PCDH11X: variants seen among roughly 807,000 people sequenced by gnomAD.
The protein encoded by PCDH11X is protocadherin-11 X-linked.
In PCDH11X, 18 loss-of-function variants were observed where a neutral mutation model predicts 53.3. The ratio of observed to expected loss-of-function variants is 0.34; its 90% CI spans 0.23 to 0.50. The LOEUF is 0.50. Among genes scored for constraint, PCDH11X ranks in the 20% least tolerant of loss-of-function variants. PCDH11X has a pLI of 0.98. For synonymous variants in PCDH11X, 279 were observed against 393.3 expected (o/e 0.71, Z 3.44); for missense variants, 570 against 1,032.4 (o/e 0.55, Z 6.14).
chrX:92,221,856 G>A (rs1280982694), intron 7 of PCDH11X, among the ~76,000 whole-genome samples: 1 of 108,395 alleles, frequency 9.2e-6, no homozygotes, highest in Non-Finnish European at 1.9e-5. Context: ...TTTTTTTTGA[G>A]ACAGGGTTTT....
intron 1 of PCDH11X, among the ~76,000 whole-genome samples, chrX:91,796,022 T>C (rs1197913396): frequency 8.9e-6 from 1 of 112,101 alleles, no homozygotes; most frequent in Non-Finnish European, 1.9e-5. Flanking sequence ...ATTAATGGAA[T>C]GGAGTTGTAA....
At chrX:92,166,624 G>A in intron 6 of PCDH11X, among the ~76,000 whole-genome samples, 1 of 110,799 alleles carries the variant, frequency 9.0e-6, no homozygotes, top group East Asian at 2.9e-4. Context: ...TGGGCCAGAT[G>A]TGATGGCTCA....
chrX:92,275,623 G>T, intron 8 of PCDH11X, among the ~76,000 whole-genome samples: 1 of 111,952 alleles, frequency 8.9e-6, no homozygotes, highest in South Asian at 3.7e-4. Context: ...TTGGCACCAT[G>T]GGGTGGATAG....
Position 92,321,202 on chromosome X carries a change from T to G in PCDH11X, c.3144+58059T>G, listed in dbSNP as rs748181268. On this transcript the variant is annotated intron_variant, in intron 8 of 10. Coordinates refer to ENST00000682573, the MANE Select transcript of PCDH11X (RefSeq NM_032968.5). Reference sequence around the variant, plus strand: ...ACTGTAAGTTTTTTTTTGTTTTTTTTTTTTTTTTGAGATGGAGTCTCGCTC... The same window carrying G: ...ACTGTAAGTTTTTTTTTGTTTTTTTGTTTTTTTTGAGATGGAGTCTCGCTC... Among the ~76,000 whole-genome samples, 26 of 99,901 alleles carry G rather than the reference T, an allele frequency of 2.6e-4. 1 individual carries two copies. In the East Asian group the frequency reaches 8.3e-3, roughly 32 times the overall value. 86.8% of individuals were successfully genotyped at this position (99,901 alleles called of 115,157 possible). A position where few individuals can be genotyped will look rare whatever the true frequency, so the allele number is the denominator to read the frequency against.
chrX:92,150,930 T>C (rs1292373275), intron 6 of PCDH11X, among the ~76,000 whole-genome samples: 2 of 110,919 alleles, frequency 1.8e-5, no homozygotes, highest in Admixed American at 9.7e-5. Flanking sequence ...GGTTCCCCTG[T>C]GATGTTTCAT....
chrX:92,271,419 G>A (rs2067955134), intron 8 of PCDH11X, among the ~76,000 whole-genome samples: 1 of 111,762 alleles, frequency 8.9e-6, no homozygotes, highest in Non-Finnish European at 1.9e-5. Flanking sequence ...GGGACGAAGG[G>A]GTTTAGTGAA....
At chrX:92,258,516 C>T (rs973391995) in intron 7 of PCDH11X, among the ~76,000 whole-genome samples, 10 of 109,786 alleles carry the variant, frequency 9.1e-5, no homozygotes, top group Admixed American at 3.9e-4. Flanking sequence ...TACAGGCGCC[C>T]GCCACCATGC....
chrX:92,124,560 A>G (rs966193022), intron 6 of PCDH11X, among the ~76,000 whole-genome samples: 1 of 107,405 alleles, frequency 9.3e-6, no homozygotes, highest in Admixed American at 1.0e-4. Context: ...AAAAAAAAAA[A>G]TAGGCCTAGT....
At chrX:92,559,836 A>T (rs1158203395) in intron 10 of PCDH11X, among the ~76,000 whole-genome samples, 2 of 110,626 alleles carry the variant, frequency 1.8e-5, no homozygotes, top group African/African-American at 6.6e-5. Context: ...CACAAACCGA[A>T]TTGCTCGGGG....
At chrX:92,185,924 T>C (rs1338332050) in intron 6 of PCDH11X, among the ~76,000 whole-genome samples, 1 of 111,413 alleles carries the variant, frequency 9.0e-6, no homozygotes, top group African/African-American at 3.3e-5. Flanking sequence ...TGTAAATTAG[T>C]TCAGCCATTA....
intron 7 of PCDH11X, among the ~76,000 whole-genome samples, chrX:92,246,263 C>T (rs1187433923): frequency 8.9e-6 from 1 of 111,756 alleles, no homozygotes; most frequent in Non-Finnish European, 1.9e-5. Context: ...TGGACATGAA[C>T]TCCCAGTAGT....
chrX:92,323,881 A>T (rs930915535), intron 8 of PCDH11X, among the ~76,000 whole-genome samples: 7 of 110,643 alleles, frequency 6.3e-5, no homozygotes, highest in Admixed American at 4.9e-4. Context: ...CACAGTTTCA[A>T]TTTTTTTTCC....
chrX:91,930,357 G>A (rs2147837120), intron 6 of PCDH11X, among the ~76,000 whole-genome samples: 1 of 106,644 alleles, frequency 9.4e-6, no homozygotes, highest in South Asian at 4.1e-4. Flanking sequence ...AAGAATAAAA[G>A]AAAAGGAAAT....
intron 7 of PCDH11X, among the ~76,000 whole-genome samples, chrX:92,254,548 C>T (rs1199974738): frequency 1.8e-5 from 2 of 109,125 alleles, no homozygotes; most frequent in Non-Finnish European, 3.8e-5. Context: ...ATGGTCTTTA[C>T]ATTTTGGCAT....
chrX:92,256,440 T>C (rs779330450), intron 7 of PCDH11X, among the ~76,000 whole-genome samples: 9 of 111,875 alleles, frequency 8.0e-5, no homozygotes, highest in African/African-American at 2.6e-4. Context: ...ACCGGAGCTG[T>C]TCCTATTCGG....
intron 7 of PCDH11X, among the ~76,000 whole-genome samples, chrX:92,258,947 T>G (rs2067657669): frequency 9.0e-6 from 1 of 111,138 alleles, no homozygotes; most frequent in African/African-American, 3.3e-5. Flanking sequence ...CACAGATCAT[T>G]AGAGCACAGG....
chrX:92,106,162 G>A (rs941506645), intron 6 of PCDH11X, among the ~76,000 whole-genome samples: 6 of 108,620 alleles, frequency 5.5e-5, no homozygotes, highest in African/African-American at 1.0e-4. Flanking sequence ...TCAGATTAAC[G>A]TTAGAATCAA....
At chrX:92,053,542 A>G (rs2021071) in intron 6 of PCDH11X, among the ~76,000 whole-genome samples, 35,396 of 103,046 alleles carry the variant, frequency 0.34, 7,514 homozygotes, top group East Asian at 0.83. Context: ...AGGAAAATAA[A>G]GAGCAGCGGA....
In PCDH11X at chrX:92,210,019, C is replaced by A. The variant is rs5941057; in HGVS notation, c.3114+8564C>A. On this transcript the variant is annotated intron_variant, in intron 7 of 10. Coordinates refer to ENST00000682573, the MANE Select transcript of PCDH11X (RefSeq NM_032968.5). ...CAGCTGGGACACAGGGTGCCATGTCCTAAGGCTGCACAGAGCAGCAGGGTC... is the reference window on the plus strand; with the variant it reads ...CAGCTGGGACACAGGGTGCCATGTCATAAGGCTGCACAGAGCAGCAGGGTC... Among the ~76,000 whole-genome samples, 33 of 109,608 alleles carry A rather than the reference C, an allele frequency of 3.0e-4. No homozygotes were observed. In the South Asian group the frequency reaches 7.8e-3, roughly 26 times the overall value.
Sources: allele counts gnomAD v4.1 joint callset (sites outside exome capture counted in the v4.1 genomes callset), GRCh38; gene constraint gnomAD v4.1.1; transcripts MANE v1.5; gene names NCBI Gene and HGNC (gene_info 2026-07-23, HGNC 2026-07-21).